CENPM: variants seen among roughly 807,000 people sequenced by gnomAD.
CENPM encodes interphase centromere complex protein 39.
In CENPM, 14 loss-of-function variants were observed where a neutral mutation model predicts 19.6. The ratio of observed to expected loss-of-function variants is 0.71; its 90% confidence interval spans 0.47 to 1.11. CENPM has a LOEUF of 1.11. Ranked by LOEUF, CENPM falls within the 50% of genes most tolerant of loss-of-function variation. The pLI, the probability that CENPM is intolerant of heterozygous loss-of-function variation, is 0.00. For synonymous variants in CENPM, 114 were observed against 101.5 expected (o/e 1.12, Z -0.74); for missense variants, 239 against 228.4 (o/e 1.05, Z -0.30).
the CENPM span, among the ~76,000 whole-genome samples, chr22:41,932,438 G>A: frequency 6.6e-5 from 10 of 152,260 alleles, no homozygotes; most frequent in South Asian, 2.1e-4. The surrounding 1 kb of genome is among the most constrained non-coding windows in gnomAD (Gnocchi z 4.3). Context: ...GTTCCTCCCC[G>A]AACCCACACC....
chr22:41,930,253 G>A, the CENPM span, among the ~76,000 whole-genome samples: 2 of 149,408 alleles, frequency 1.3e-5, no homozygotes, highest in African/African-American at 2.5e-5. Flanking sequence ...TTTTTGAGAC[G>A]GAGTCTGGCT....
chr22:41,938,778 G>A lies in CENPM; in HGVS notation c.*278C>T, dbSNP rs550647730. ...TTTAGCCACAGACCTTTTGTTCAAA[G>A]GAAACCTTAAATGGAGATGTAACAC... On this transcript the variant is annotated 3_prime_UTR_variant, in exon 6 of 6. Coordinates refer to ENST00000215980, the MANE Select transcript of CENPM (RefSeq NM_024053.5). 4.1e-5 allele frequency: 16 copies of A among 393,902 alleles called. No individual in the cohort carries two copies. The highest frequency in any genetic ancestry group is 6.8e-5 in the Non-Finnish European group (15 of 219,350). 24.4% of individuals were successfully genotyped at this position (393,902 alleles called of 1,614,324 possible). A position where few individuals can be genotyped will look rare whatever the true frequency, so the allele number is the denominator to read the frequency against.
intron 5 of CENPM, among the ~76,000 whole-genome samples, chr22:41,941,814 C>A (rs765959049): frequency 9.9e-5 from 15 of 152,210 alleles, no homozygotes; most frequent in Non-Finnish European, 1.9e-4. Context: ...AAATCAAATG[C>A]GTGATAGAGT....
the CENPM span, among the ~76,000 whole-genome samples, chr22:41,930,293 G>A: frequency 2.0e-5 from 3 of 147,942 alleles, no homozygotes; most frequent in South Asian, 2.2e-4. Context: ...GCAGTGGCGT[G>A]ATCTCGGCTC....
chr22:41,947,150 A>C lies in CENPM; in HGVS notation c.-74T>G. The C allele has an allele frequency of 6.8e-7, 1 of 1,471,194 alleles. No individual in the cohort carries two copies. Among genetic ancestry groups the C allele is most frequent in the South Asian group, 1.2e-5 (1 of 86,116 alleles). 91.1% of individuals were successfully genotyped at this position (1,471,194 alleles called of 1,614,324 possible). On this transcript the variant is annotated 5_prime_UTR_variant, in exon 1 of 6. Coordinates refer to ENST00000215980, the MANE Select transcript of CENPM (RefSeq NM_024053.5). ...AAACCGCCCTGAGTCCAGCCCCTAG[A>C]GCGCGGCCTGGGGGCACGTGCCTCC...
the CENPM span, among the ~76,000 whole-genome samples, chr22:41,928,600 A>G: frequency 6.6e-6 from 1 of 152,150 alleles, no homozygotes; most frequent in East Asian, 1.9e-4. This position sits in a 1 kb window ranked among gnomAD's most constrained non-coding sequence, Gnocchi z 4.0. Context: ...GGGGAGGCAA[A>G]CACTCCAGGC....
intron 5 of CENPM, among the ~76,000 whole-genome samples, chr22:41,941,245 G>A (rs1354903808): frequency 6.6e-6 from 1 of 152,226 alleles, no homozygotes; most frequent in Non-Finnish European, 1.5e-5. Flanking sequence ...ATATGGTGGG[G>A]CTTAAACTCA....
Position 41,938,988 on chromosome 22 carries a change from C to A in CENPM, c.*68G>T. 1.3e-6 allele frequency: 2 copies of A among 1,580,452 alleles called. No individual in the cohort carries two copies. Among genetic ancestry groups the A allele is most frequent in the Non-Finnish European group, 1.7e-6 (2 of 1,160,828 alleles). On this transcript the variant is annotated 3_prime_UTR_variant, in exon 6 of 6. Transcript: ENST00000215980. The stretch of plus-strand genomic sequence containing the variant: ...GCCTGTCAAGCCCTGACTGGACATC[C>A]TCAACAGAGAATGTTTATGGAGTCA...
downstream of CENPM, among the ~76,000 whole-genome samples, chr22:41,935,498 G>A (rs555136351): frequency 6.6e-6 from 1 of 152,302 alleles, no homozygotes; most frequent in African/African-American, 2.4e-5. Flanking sequence ...CTCTGGGAAG[G>A]CTGGCCTTCC....
chr22:41,932,851 C>T, the CENPM span, among the ~76,000 whole-genome samples: 1 of 152,238 alleles, frequency 6.6e-6, no homozygotes, highest in Non-Finnish European at 1.5e-5. The surrounding 1 kb of genome is among the most constrained non-coding windows in gnomAD (Gnocchi z 4.3). Flanking sequence ...AGGCCGACCC[C>T]TGCGCGGATG....
At chr22:41,940,315 G>A (rs1602386628) in intron 5 of CENPM, 1 of 608,686 alleles carries the variant, frequency 1.6e-6, no homozygotes, top group Non-Finnish European at 3.0e-6. Context: ...ACCACCACCT[G>A]ACACGCCACG....
intron 5 of CENPM, 69 bp from the exon 6 acceptor site, chr22:41,939,265 A>G: frequency 6.6e-7 from 1 of 1,507,840 alleles, no homozygotes; most frequent in South Asian, 1.3e-5. Context: ...GAGCAGCTGC[A>G]GGGGCTGCCA....
downstream of CENPM, among the ~76,000 whole-genome samples, chr22:41,935,874 C>CTTTT (rs763615752): frequency 7.1e-6 from 1 of 140,510 alleles, no homozygotes; most frequent in Admixed American, 7.1e-5. Flanking sequence ...ATGCCCAAAT[C>CTTTT]TTTTTTTTTT....
chr22:41,931,452 C>G, the CENPM span, among the ~76,000 whole-genome samples: 1 of 151,616 alleles, frequency 6.6e-6, no homozygotes, highest in Non-Finnish European at 1.5e-5. Context: ...TGCACTCCAG[C>G]CTGGCTGACA....
intron 5 of CENPM, chr22:41,940,133 C>T: frequency 1.3e-6 from 1 of 769,450 alleles, no homozygotes. Context: ...GGCCTGCCTG[C>T]CAGACCTTGA....
At chr22:41,944,769 T>G in intron 4 of CENPM, 1 of 985,372 alleles carries the variant, frequency 1.0e-6, no homozygotes, top group Non-Finnish European at 1.2e-6. Flanking sequence ...GAGGCCAAAC[T>G]GCAAAGTGTT....
At chr22:41,942,330 G>A (rs1413177035) in intron 5 of CENPM, among the ~76,000 whole-genome samples, 1 of 152,182 alleles carries the variant, frequency 6.6e-6, no homozygotes, top group Non-Finnish European at 1.5e-5. Context: ...GCGGCTAAAG[G>A]CCAGGCTCCG....
chr22:41,933,984 C>G (rs894093705), downstream of CENPM, among the ~76,000 whole-genome samples: 1 of 152,222 alleles, frequency 6.6e-6, no homozygotes, highest in Admixed American at 6.5e-5. Context: ...CTCTCCAAGC[C>G]TCACAAGACC....
intron 4 of CENPM, chr22:41,944,864 T>A (rs1416737437): frequency 3.7e-6 from 4 of 1,070,140 alleles, no homozygotes; most frequent in Non-Finnish European, 4.5e-6. Flanking sequence ...TCTGCTCATA[T>A]TCACTCTTAG....
Sources: allele counts gnomAD v4.1 joint callset (sites outside exome capture counted in the v4.1 genomes callset), GRCh38; gene constraint gnomAD v4.1.1; non-coding constraint Gnocchi (gnomAD v3.1); transcripts MANE v1.5; gene names NCBI Gene and HGNC (gene_info 2026-07-23, HGNC 2026-07-21).